The following KLHL32 variants were observed in gnomAD, a reference collection of about 807,000 sequenced individuals.
KLHL32 encodes kelch like family member 32, also known as kelch-like protein 32.
KLHL32 carries 35 observed loss-of-function variants against 64.8 expected under a neutral mutation model. That is an observed-to-expected ratio of 0.54 (90% CI 0.41 to 0.72). The LOEUF is 0.72. KLHL32 is among the 30% of genes least tolerant of loss of function. KLHL32 has a pLI of 0.00. For synonymous variants in KLHL32, 259 were observed against 281.0 expected (o/e 0.92, Z 0.78); for missense variants, 589 against 768.5 (o/e 0.77, Z 2.76).
At chr6:96,909,668 A>G in the KLHL32 span, among the ~76,000 whole-genome samples, 10 of 152,332 alleles carry the variant, frequency 6.6e-5, no homozygotes, top group African/African-American at 9.6e-5. Flanking sequence ...AGGTATACTG[A>G]TTTCCCATCC....
intron 3 of KLHL32, among the ~76,000 whole-genome samples, chr6:97,018,920 G>A (rs1276154974): frequency 6.6e-6 from 1 of 152,144 alleles, no homozygotes; most frequent in African/African-American, 2.4e-5. Flanking sequence ...CTCTGAAACT[G>A]ACAGATCATA....
At position 97,028,376 on chromosome 6, in the gene KLHL32, G is replaced by A. The variant is rs568873476; in HGVS notation, c.205-13116G>A. On this transcript the variant is annotated intron_variant, in intron 3 of 10. Transcript: ENST00000369261. ...TAGTCTTGCTTCTTACACACACCCAGCACAGCTTTGAAAACCACACAGGAG... is the reference window on the plus strand; with the variant it reads ...TAGTCTTGCTTCTTACACACACCCAACACAGCTTTGAAAACCACACAGGAG... 3.3e-4 allele frequency among the ~76,000 whole-genome samples: 50 copies of A among 152,234 alleles called. No individual in the cohort carries two copies. In the South Asian group the frequency reaches 9.1e-3, roughly 28 times the overall value.
intron 6 of KLHL32, among the ~76,000 whole-genome samples, chr6:97,090,297 T>C (rs1041301761): frequency 6.6e-6 from 1 of 152,200 alleles, no homozygotes; most frequent in Admixed American, 6.5e-5. Flanking sequence ...ACTGCATTTT[T>C]CCTTATATTT....
At chr6:96,974,564 G>A (rs1236719693) in intron 2 of KLHL32, among the ~76,000 whole-genome samples, 1 of 152,004 alleles carries the variant, frequency 6.6e-6, no homozygotes, top group Non-Finnish European at 1.5e-5. Context: ...CTTCCCACAG[G>A]AACTTCCTAT....
intron 3 of KLHL32, among the ~76,000 whole-genome samples, chr6:97,011,250 T>G (rs528027466): frequency 1.4e-4 from 21 of 152,348 alleles, no homozygotes; most frequent in African/African-American, 4.8e-4. Context: ...AGACATGTTC[T>G]TCTTTGAATC....
intron 3 of KLHL32, among the ~76,000 whole-genome samples, chr6:97,014,364 G>C (rs1321572133): frequency 6.6e-6 from 1 of 151,120 alleles, no homozygotes; most frequent in Non-Finnish European, 1.5e-5. Flanking sequence ...TCTGCTTTGG[G>C]TTTGTTTTAT....
At chr6:96,999,011 A>G (rs1052465662) in intron 3 of KLHL32, among the ~76,000 whole-genome samples, 2 of 152,206 alleles carry the variant, frequency 1.3e-5, no homozygotes, top group East Asian at 3.8e-4. Context: ...GATATTATGA[A>G]GATCCTAAGA....
chr6:97,050,616 A>G (rs1786733428), intron 4 of KLHL32, among the ~76,000 whole-genome samples: 1 of 152,204 alleles, frequency 6.6e-6, no homozygotes, highest in Admixed American at 6.5e-5. Flanking sequence ...GGCAGACTCT[A>G]TTACATTAAT....
intron 5 of KLHL32, among the ~76,000 whole-genome samples, chr6:97,073,471 G>T (rs1274802018): frequency 6.6e-6 from 1 of 152,126 alleles, no homozygotes; most frequent in East Asian, 1.9e-4. Context: ...TTTGTAGACA[G>T]AAAATTTTGT....
Position 97,001,997 on chromosome 6 carries a change from T to G in KLHL32, c.204+25820T>G, listed in dbSNP as rs148666743. 2.6e-5 allele frequency among the ~76,000 whole-genome samples: 4 copies of G among 152,292 alleles called. No individual in the cohort carries two copies. In the East Asian group the frequency reaches 5.8e-4, roughly 22 times the overall value. On this transcript the variant is annotated intron_variant, in intron 3 of 10. Transcript: ENST00000369261. ...AGGAATAGATAGATAGATAGATAAC[T>G]CTACTGTAAAGAACTGGCTTACATG... is the stretch of plus-strand genomic sequence containing the variant.
At chr6:96,949,547 G>A (rs1379207406) in intron 1 of KLHL32, among the ~76,000 whole-genome samples, 1 of 151,864 alleles carries the variant, frequency 6.6e-6, no homozygotes. Context: ...TTTTATTTTT[G>A]TAAAAATTGT....
rs77332357 is a variant in KLHL32 at position 96,958,677 on chromosome 6, C to A, written c.-65-8319C>A. On this transcript the variant is annotated intron_variant, in intron 1 of 10. Transcript: ENST00000369261. The stretch of plus-strand genomic sequence containing the variant: ...CTGTATTCATTTGATCATCATGTAT[C>A]CAGTTATCTTGGCTAGAACTGGATC... Among the ~76,000 whole-genome samples the A allele has an allele frequency of 3.7e-3, 567 of 152,212 alleles. 2 individuals are homozygous for A. The highest frequency in any genetic ancestry group is 4.8e-3 in the Admixed American group (74 of 15,290).
At chr6:97,107,121 T>C (rs1796517732) in intron 6 of KLHL32, among the ~76,000 whole-genome samples, 1 of 152,038 alleles carries the variant, frequency 6.6e-6, no homozygotes, top group African/African-American at 2.4e-5. Context: ...TGAAACCCTG[T>C]CTCTTACTAA....
At chr6:97,061,299 C>T (rs532637937) in intron 4 of KLHL32, among the ~76,000 whole-genome samples, 50 of 152,304 alleles carry the variant, frequency 3.3e-4, no homozygotes, top group Middle Eastern at 3.4e-3. Flanking sequence ...CAATGCCCAA[C>T]CTAGTTTGGC....
At chr6:97,054,082 TAA>T (rs940775846) in intron 4 of KLHL32, among the ~76,000 whole-genome samples, 2 of 152,142 alleles carry the variant, frequency 1.3e-5, no homozygotes, top group African/African-American at 4.8e-5. Flanking sequence ...AATTCTAACT[TAA>T]GTTTTTTAAA....
chr6:96,990,973 G>T (rs1777793936), intron 3 of KLHL32, among the ~76,000 whole-genome samples: 1 of 152,010 alleles, frequency 6.6e-6, no homozygotes, highest in African/African-American at 2.4e-5. Context: ...CTCCACCACA[G>T]AGAATCACAG....
chr6:97,125,794 C>T (rs1798808118), intron 7 of KLHL32, among the ~76,000 whole-genome samples: 1 of 152,076 alleles, frequency 6.6e-6, no homozygotes, highest in Admixed American at 6.6e-5. Context: ...AAAAAGTTAC[C>T]GTCCTACATT....
intron 6 of KLHL32, among the ~76,000 whole-genome samples, chr6:97,111,778 T>G (rs1781907634): frequency 6.6e-6 from 1 of 152,040 alleles, no homozygotes; most frequent in Non-Finnish European, 1.5e-5. Context: ...GTGGGGGATT[T>G]TATTGCCAAT....
chr6:96,917,352 G>C, the KLHL32 span, among the ~76,000 whole-genome samples: 1 of 152,026 alleles, frequency 6.6e-6, no homozygotes, highest in Non-Finnish European at 1.5e-5. Context: ...TGGTTCCCCT[G>C]GAGACTCATA....
Sources: gnomAD v4.1 joint callset for allele counts (sites outside exome capture counted in the v4.1 genomes callset) on GRCh38, gnomAD v4.1.1 for gene constraint, MANE v1.5 for transcripts, NCBI Gene and HGNC (gene_info 2026-07-23, HGNC 2026-07-21) for gene names.